Variants in TANC2 observed in about 807,000 individuals in gnomAD.
TANC2 encodes the protein tetratricopeptide repeat, ankyrin repeat and coiled-coil containing 2, also known as protein TANC2.
A neutral mutation model predicts 210.5 loss-of-function variants in TANC2; 26 were observed. The ratio of observed to expected loss-of-function variants is 0.12; its 90% CI spans 0.09 to 0.17. The LOEUF (loss-of-function observed/expected upper bound fraction) is 0.17. Among genes scored for constraint, TANC2 ranks in the 10% least tolerant of loss-of-function variants. TANC2 has a pLI of 1.00. For synonymous variants in TANC2, 931 were observed against 967.1 expected (o/e 0.96, Z 0.69); for missense variants, 2,129 against 2,608.9 (o/e 0.82, Z 4.01).
chr17:63,139,899 A>G (rs772537126), intron 4 of TANC2, among the ~76,000 whole-genome samples: 1 of 152,182 alleles, frequency 6.6e-6, no homozygotes, highest in South Asian at 2.1e-4. Context: ...GCAAGACCCT[A>G]TCTCAAGAAA....
rs191576168 is a variant in TANC2, at chr17:63,198,842, T to A, written c.583-1929T>A. Among the ~76,000 whole-genome samples, 63 of 152,274 alleles carry A rather than the reference T, an allele frequency of 4.1e-4. 2 individuals are homozygous for A. The East Asian group carries it at 0.012, about 28-fold the overall frequency. On this transcript the variant is annotated intron_variant, in intron 6 of 27. Coordinates refer to ENST00000689528, the Ensembl canonical transcript of TANC2. Reference sequence around the variant, plus strand: ...CATCATATTATAAAAATAGAGATTTTAAAAAATTGAAACTCTCCTCTTCTC... The same window carrying A: ...CATCATATTATAAAAATAGAGATTTAAAAAAATTGAAACTCTCCTCTTCTC...
At chr17:63,362,939 A>T (rs140419772) in intron 14 of TANC2, among the ~76,000 whole-genome samples, 7 of 152,138 alleles carry the variant, frequency 4.6e-5, no homozygotes, top group Admixed American at 1.3e-4. Context: ...TTTTTTAGGA[A>T]CCTCCAAACT....
intron 14 of TANC2, among the ~76,000 whole-genome samples, chr17:63,364,569 C>A (rs2047056244): frequency 6.6e-6 from 1 of 151,866 alleles, no homozygotes; most frequent in Non-Finnish European, 1.5e-5. Context: ...TTGATCTTAG[C>A]CAAAAGGCCC....
chr17:62,967,032 G>A (rs2031384562), intron 1 of TANC2: 1 of 152,312 alleles, frequency 6.6e-6, no homozygotes, highest in Non-Finnish European at 1.5e-5. Context: ...TAAGATGCGA[G>A]GCGGATTGCT....
At chr17:63,018,285 G>T (rs539349946) in intron 2 of TANC2, among the ~76,000 whole-genome samples, 65 of 152,136 alleles carry the variant, frequency 4.3e-4, no homozygotes, top group Non-Finnish European at 8.4e-4. Flanking sequence ...GGAAGTCGGG[G>T]TTCAAGACCA....
Position 62,966,496 on chromosome 17 carries a change from G to A in TANC2, c.-277G>A, listed in dbSNP as rs1018545912. ...GCGCGCTAGGCGGAGCGAGGCGCCC[G>A]CCGCCGCCGAGCCGAGCCGAGGGGC... On this transcript the variant is annotated 5_prime_UTR_variant, in exon 1 of 28. Coordinates refer to ENST00000689528, the Ensembl canonical transcript of TANC2. The surrounding 1 kb of genome is among the most constrained non-coding windows in gnomAD (Gnocchi z 5.1). Among the ~76,000 whole-genome samples the A allele has an allele frequency of 5.4e-5, 8 of 148,846 alleles. No individual in the cohort carries two copies. Among genetic ancestry groups the A allele is most frequent in the African/African-American group, 1.7e-4 (7 of 41,074 alleles).
intron 7 of TANC2, among the ~76,000 whole-genome samples, chr17:63,233,658 C>T (rs1345803719): frequency 1.3e-5 from 2 of 152,244 alleles, no homozygotes; most frequent in African/African-American, 4.8e-5. Context: ...ATATATTTCT[C>T]GTCAGCCATC....
intron 4 of TANC2, chr17:63,125,315 A>G (rs2038666390): frequency 6.6e-6 from 1 of 152,190 alleles, no homozygotes. Flanking sequence ...TCCAATAATG[A>G]TAGTTGATGA....
At position 63,032,869 on chromosome 17, in the gene TANC2, G is replaced by A. The variant is rs545131890; in HGVS notation, c.67+23243G>A. ...AGGTTGAGGACTAGTCCCACAAGAC[G>A]CCCCCCACTTAGACACTAATTGCCA... On this transcript the variant is annotated intron_variant, in intron 2 of 27. Transcript: ENST00000689528. Among the ~76,000 whole-genome samples, 2 of 152,116 alleles carry A rather than the reference G, an allele frequency of 1.3e-5. 1 individual carries two copies. Among genetic ancestry groups the A allele is most frequent in the Non-Finnish European group, 2.9e-5 (2 of 67,980 alleles).
chr17:62,970,376 T>A (rs2143217098), intron 1 of TANC2, among the ~76,000 whole-genome samples: 1 of 152,348 alleles, frequency 6.6e-6, no homozygotes, highest in Admixed American at 6.5e-5. Context: ...ATACTTCACT[T>A]GTAAAACTTA....
chr17:63,305,745 AC>A (rs1223942589), intron 9 of TANC2: 1 of 152,240 alleles, frequency 6.6e-6, no homozygotes, highest in East Asian at 1.9e-4. Flanking sequence ...TAAGGAAGAT[AC>A]TATGAAGAAG....
intron 11 of TANC2, among the ~76,000 whole-genome samples, chr17:63,323,397 G>A (rs1598853144): frequency 6.6e-6 from 1 of 152,280 alleles, no homozygotes; most frequent in Admixed American, 6.5e-5. Flanking sequence ...TCCATTTGAA[G>A]CAAAGATTTT....
intron 9 of TANC2, among the ~76,000 whole-genome samples, chr17:63,301,365 CTTT>C (rs1486730839): frequency 6.6e-6 from 1 of 152,168 alleles, no homozygotes; most frequent in Non-Finnish European, 1.5e-5. Context: ...ACCAGCTCCT[CTTT>C]GTACCTCTGG....
chr17:63,063,293 C>T (rs1010369055), intron 2 of TANC2, among the ~76,000 whole-genome samples: 2 of 152,084 alleles, frequency 1.3e-5, no homozygotes, highest in African/African-American at 2.4e-5. Flanking sequence ...ATTTTTATGG[C>T]GGCTTCGTCA....
chr17:63,420,347 C>T lies in TANC2; in HGVS notation c.4617C>T (p.Ile1539=). Reference sequence around the variant, plus strand: ...CCCCGCATCGGGACTCAGCCTACATCTCCAGCTCACCTCTTGGCTCTCATC... The same window carrying T: ...CCCCGCATCGGGACTCAGCCTACATTTCCAGCTCACCTCTTGGCTCTCATC... Residue 1539 remains isoleucine, a synonymous_variant, in exon 28 of 28, where the codon ATC becomes ATT. Coordinates refer to ENST00000689528, the Ensembl canonical transcript of TANC2. The surrounding 1 kb of genome is among the most constrained non-coding windows in gnomAD (Gnocchi z 4.2). The T allele has an allele frequency of 6.2e-7, 1 of 1,613,968 alleles. No individual in the cohort carries two copies. Among genetic ancestry groups the T allele is most frequent in the Non-Finnish European group, 8.5e-7 (1 of 1,179,886 alleles).
intron 3 of TANC2, among the ~76,000 whole-genome samples, chr17:63,081,255 A>C (rs560598611): frequency 6.6e-6 from 1 of 152,152 alleles, no homozygotes; most frequent in Non-Finnish European, 1.5e-5. Flanking sequence ...CCAATAATTC[A>C]TTATTATTTA....
At chr17:63,164,286 C>T (rs1217402394) in intron 5 of TANC2, among the ~76,000 whole-genome samples, 2 of 151,984 alleles carry the variant, frequency 1.3e-5, no homozygotes, top group Non-Finnish European at 2.9e-5. Context: ...AGGTGTGAGC[C>T]ACTGTGCCTA....
chr17:63,194,942 G>A (rs1207100274), intron 6 of TANC2, among the ~76,000 whole-genome samples: 6 of 152,034 alleles, frequency 3.9e-5, no homozygotes, highest in Non-Finnish European at 7.4e-5. Context: ...AATCTTCAGC[G>A]TGAATGTCTG....
intron 9 of TANC2, among the ~76,000 whole-genome samples, chr17:63,274,400 T>C (rs2043810040): frequency 6.6e-6 from 1 of 152,172 alleles, no homozygotes; most frequent in African/African-American, 2.4e-5. Flanking sequence ...GAAGATTGTG[T>C]ACTAGTACAG....
Sources: allele counts gnomAD v4.1 joint callset (sites outside exome capture counted in the v4.1 genomes callset), GRCh38; gene constraint gnomAD v4.1.1; non-coding constraint Gnocchi (gnomAD v3.1); transcripts MANE v1.5; gene names NCBI Gene and HGNC (gene_info 2026-07-23, HGNC 2026-07-21).